MGRN1: variants seen among roughly 807,000 people sequenced by gnomAD.
MGRN1 encodes the protein E3 ubiquitin-protein ligase MGRN1.
In MGRN1, 29 loss-of-function variants were observed where a neutral mutation model predicts 69.2. The ratio of observed to expected loss-of-function variants is 0.42; its 90% CI spans 0.31 to 0.57. The LOEUF is 0.57. MGRN1 is among the 20% of genes least tolerant of loss of function. The pLI is 0.15. For synonymous variants in MGRN1, 470 were observed against 344.2 expected, an observed-to-expected ratio of 1.37 and a Z score of -4.04; for missense variants, 998 against 796.2, an observed-to-expected ratio of 1.25 and a Z score of -3.05.
At chr16:4,675,014 C>T (rs902807889) in intron 10 of MGRN1, among the ~76,000 whole-genome samples, 3 of 152,088 alleles carry the variant, frequency 2.0e-5, no homozygotes, top group Non-Finnish European at 4.4e-5. Context: ...ACTCTGTTGC[C>T]TAGGCTGGAG....
At chr16:4,642,199 C>G (rs1308862253) in intron 1 of MGRN1, among the ~76,000 whole-genome samples, 1 of 148,982 alleles carries the variant, frequency 6.7e-6, no homozygotes, top group Admixed American at 6.8e-5. Flanking sequence ...GGCGCGATTT[C>G]AGCTCGCTGC....
intron 10 of MGRN1, among the ~76,000 whole-genome samples, chr16:4,675,733 CAA>C (rs551578710): frequency 3.1e-4 from 27 of 88,356 alleles, no homozygotes; most frequent in Admixed American, 4.8e-4. Flanking sequence ...GACCCTGTTT[CAA>C]AAAAAAAAAA....
intron 5 of MGRN1, chr16:4,659,148 T>A (rs1201482356): frequency 2.1e-5 from 3 of 144,580 alleles, no homozygotes; most frequent in Non-Finnish European, 4.6e-5. Flanking sequence ...GAGACTCCAT[T>A]TCTTAGGAAG....
At position 4,689,978 on chromosome 16, in the gene MGRN1, G is replaced by C. The variant is rs565648427; in HGVS notation, c.*1070G>C. On this transcript the variant is annotated 3_prime_UTR_variant, in exon 17 of 17. Coordinates refer to ENST00000262370, the MANE Select transcript of MGRN1 (RefSeq NM_015246.4). ...GAGAAGGGATTTCACCATGTTGGCC[G>C]GGCTGGTCTCAAACTCCTAAGGTCA... 6.6e-6 allele frequency: 1 copy of C among 151,946 alleles called. No homozygotes were observed. Among genetic ancestry groups the C allele is most frequent in the Non-Finnish European group, 1.5e-5 (1 of 68,024 alleles). 9.4% of individuals were successfully genotyped at this position (151,946 alleles called of 1,614,324 possible). A position where few individuals can be genotyped will look rare whatever the true frequency, so the allele number is the denominator to read the frequency against.
intron 5 of MGRN1, among the ~76,000 whole-genome samples, chr16:4,662,004 C>G (rs1304164409): frequency 2.0e-5 from 3 of 152,110 alleles, no homozygotes; most frequent in Non-Finnish European, 1.5e-5. Context: ...CCTGGGAACG[C>G]CAGGGTGCTG....
intron 1 of MGRN1, among the ~76,000 whole-genome samples, chr16:4,626,038 C>T (rs953657903): frequency 6.6e-6 from 1 of 152,224 alleles, no homozygotes; most frequent in Non-Finnish European, 1.5e-5. Flanking sequence ...CCAGGGCCTG[C>T]CTGGGACCCC....
intron 5 of MGRN1, among the ~76,000 whole-genome samples, chr16:4,658,148 G>A (rs565481567): frequency 6.6e-6 from 1 of 152,162 alleles, no homozygotes; most frequent in South Asian, 2.1e-4. Context: ...TCAAAGCTGT[G>A]TCCTCCCTCC....
At chr16:4,653,802 G>A (rs2078461499) in intron 4 of MGRN1, among the ~76,000 whole-genome samples, 2 of 151,538 alleles carry the variant, frequency 1.3e-5, no homozygotes, top group South Asian at 4.2e-4. Context: ...GCCCAGGCTG[G>A]AGTGCAATGG....
chr16:4,648,307 G>A (rs1384204831), intron 1 of MGRN1, among the ~76,000 whole-genome samples: 5 of 128,348 alleles, frequency 3.9e-5, no homozygotes, highest in Admixed American at 1.4e-4. Context: ...CTCCTCCCGC[G>A]GGCTCTTCCC....
chr16:4,668,386 T>G, intron 8 of MGRN1, 74 bp downstream of exon 8: 1 of 1,499,742 alleles, frequency 6.7e-7, no homozygotes, highest in Non-Finnish European at 9.3e-7. Flanking sequence ...CGCATACTCA[T>G]ACATAGACAC....
At chr16:4,671,278 G>T (rs745328940) in intron 8 of MGRN1, 113 bp from the exon 9 acceptor site, 7 of 1,006,244 alleles carry the variant, frequency 7.0e-6, no homozygotes, top group South Asian at 6.7e-5. Context: ...GAGCTGGACT[G>T]ACCCCTGGTA....
intron 1 of MGRN1, among the ~76,000 whole-genome samples, chr16:4,636,546 C>T (rs1898302193): frequency 6.6e-6 from 1 of 152,040 alleles, no homozygotes; most frequent in Admixed American, 6.6e-5. Context: ...CTTGTTGGGG[C>T]TGTTGGGTGC....
At chr16:4,639,530 G>A (rs764095426) in intron 1 of MGRN1, among the ~76,000 whole-genome samples, 1 of 152,204 alleles carries the variant, frequency 6.6e-6, no homozygotes, top group Non-Finnish European at 1.5e-5. Flanking sequence ...GGCTACCTAG[G>A]ATGGAACAGG....
intron 7 of MGRN1, among the ~76,000 whole-genome samples, chr16:4,666,316 G>C (rs2078805201): frequency 1.3e-5 from 2 of 152,090 alleles, no homozygotes; most frequent in South Asian, 4.2e-4. Context: ...TTTTTTTGTA[G>C]AGAAGAGGTC....
intron 4 of MGRN1, among the ~76,000 whole-genome samples, chr16:4,653,136 C>T (rs1378804342): frequency 6.6e-6 from 1 of 152,210 alleles, no homozygotes; most frequent in African/African-American, 2.4e-5. Context: ...CCGCTGTCAC[C>T]TGAACTTCTC....
intron 1 of MGRN1, among the ~76,000 whole-genome samples, chr16:4,641,664 A>G (rs1180288019): frequency 6.6e-6 from 1 of 151,812 alleles, no homozygotes; most frequent in Non-Finnish European, 1.5e-5. Flanking sequence ...GATTACAGGC[A>G]CCCACCACCA....
chr16:4,650,416 C>G lies in MGRN1; in HGVS notation c.140C>G (p.Pro47Arg). ...FFMGGEKFDT[P>R]HPEGYLFGEN... ...ATGGGAGGAGAGAAATTCGACACCC[C>G]CCACCCTGAAGGTTACCTCTTTGGA... The change falls in exon 2 of 17, where the codon CCC (proline) becomes CGC (arginine). Residue 47 changes from proline (P) to arginine (R), a missense_variant. By Grantham distance (103) the Pro-to-Arg change is moderately radical. Coordinates refer to ENST00000262370, the MANE Select transcript of MGRN1 (RefSeq NM_015246.4). 6.2e-7 allele frequency: 1 copy of G among 1,614,126 alleles called. No homozygotes were observed. Among genetic ancestry groups the G allele is most frequent in the South Asian group, 1.1e-5 (1 of 91,074 alleles).
At chr16:4,645,127 A>G (rs1337315846) in intron 1 of MGRN1, among the ~76,000 whole-genome samples, 2 of 133,080 alleles carry the variant, frequency 1.5e-5, no homozygotes, top group Non-Finnish European at 3.1e-5. Flanking sequence ...GTGCATATAT[A>G]TATAGAGTGA....
At chr16:4,629,155 TGTGTGTGTGTGTG>T (rs1897860893) in intron 1 of MGRN1, among the ~76,000 whole-genome samples, 3 of 146,654 alleles carry the variant, frequency 2.0e-5, no homozygotes, top group South Asian at 2.1e-4. Context: ...TTCGTATGTG[TGTGTGTGTGTGTG>T]TGTGTGTGTG....
Sources: gnomAD v4.1 joint callset for allele counts (sites outside exome capture counted in the v4.1 genomes callset) on GRCh38, gnomAD v4.1.1 for gene constraint, MANE v1.5 for transcripts, NCBI Gene and HGNC (gene_info 2026-07-23, HGNC 2026-07-21) for gene names.